PPP2R2B: variants seen among roughly 807,000 people sequenced by gnomAD.
The protein encoded by PPP2R2B is serine/threonine-protein phosphatase 2A 55 kDa regulatory subunit B beta isoform.
PPP2R2B carries 5 observed loss-of-function variants against 46.0 expected under a neutral mutation model. That is an observed-to-expected ratio of 0.11 (90% CI 0.06 to 0.23). The LOEUF is 0.23. Among genes scored for constraint, PPP2R2B ranks in the 10% least tolerant of loss-of-function variants. The pLI is 1.00. For missense variants in PPP2R2B, 367 were observed against 575.0 expected, an observed-to-expected ratio of 0.64 and a Z score of 3.70; for synonymous variants, 215 against 206.7, an observed-to-expected ratio of 1.04 and a Z score of -0.34.
At position 146,878,214 on chromosome 5, in the gene PPP2R2B, G is replaced by A. The variant is rs1356205506; in HGVS notation, c.-124-19C>T. 6.5e-7 allele frequency: 1 copy of A among 1,546,512 alleles called. No homozygotes were observed. Among genetic ancestry groups the A allele is most frequent in the East Asian group, 2.4e-5 (1 of 41,370 alleles). On this transcript the variant is annotated intron_variant, in intron 1 of 9. Coordinates refer to ENST00000394411, the MANE Select transcript of PPP2R2B (RefSeq NM_181675.4). The surrounding 1 kb of genome is among the most constrained non-coding windows in gnomAD (Gnocchi z 4.5). Reference sequence around the variant, plus strand: ...TCCGAGCCTGAGGAGGAGACGGGGAGGCGGAGAGAAAAAAAATAAAAACCC... The same window carrying A: ...TCCGAGCCTGAGGAGGAGACGGGGAAGCGGAGAGAAAAAAAATAAAAACCC...
chr5:146,907,062 G>T (rs1408381643), intron 1 of PPP2R2B, among the ~76,000 whole-genome samples: 1 of 152,200 alleles, frequency 6.6e-6, no homozygotes, highest in East Asian at 1.9e-4. Flanking sequence ...TGATTGTGGT[G>T]AGGACAGAAG....
At chr5:146,731,392 T>C (rs1752220930) in intron 2 of PPP2R2B, among the ~76,000 whole-genome samples, 2 of 152,206 alleles carry the variant, frequency 1.3e-5, no homozygotes, top group Non-Finnish European at 2.9e-5. Context: ...CTGTTTATAG[T>C]GCTAATGGAA....
intron 1 of PPP2R2B, among the ~76,000 whole-genome samples, chr5:146,943,675 T>C (rs576860674): frequency 9.4e-5 from 13 of 138,222 alleles, no homozygotes; most frequent in African/African-American, 2.7e-4. Flanking sequence ...GAGGCACTCA[T>C]TTTTTTTTTT....
intron 1 of PPP2R2B, among the ~76,000 whole-genome samples, chr5:146,890,131 A>G (rs934407396): frequency 2.0e-5 from 3 of 152,178 alleles, no homozygotes; most frequent in African/African-American, 7.2e-5. Context: ...AGTTGGCTTA[A>G]CTCTCCAGTA....
chr5:146,774,720 G>C (rs1005245047), intron 2 of PPP2R2B, among the ~76,000 whole-genome samples: 28 of 151,856 alleles, frequency 1.8e-4, no homozygotes, highest in African/African-American at 6.8e-4. Context: ...GGGAGGCTGA[G>C]GCAGGATAAT....
At chr5:146,978,615 A>G (rs1449501229) in intron 1 of PPP2R2B, among the ~76,000 whole-genome samples, 1 of 152,192 alleles carries the variant, frequency 6.6e-6, no homozygotes, top group Non-Finnish European at 1.5e-5. Flanking sequence ...AACATCATTT[A>G]TTAAATAGGG....
chr5:146,583,240 T>G lies in PPP2R2B; in HGVS notation c.*6707A>C, dbSNP rs1454262005. On this transcript the variant is annotated 3_prime_UTR_variant, in exon 10 of 10. Transcript: ENST00000394411. ...TGGTCTGGATGAGTTAGTGCTCCTTTGTGTCCTCCTGGCACCCAGACACAT... is the reference window on the plus strand; with the variant it reads ...TGGTCTGGATGAGTTAGTGCTCCTTGGTGTCCTCCTGGCACCCAGACACAT... 1.3e-5 allele frequency: 2 copies of G among 152,180 alleles called. No homozygotes were observed. The highest frequency in any genetic ancestry group is 2.9e-5 in the Non-Finnish European group (2 of 68,044). The allele number at this position is 152,180 out of a possible 1,614,324, so 9.4% of individuals were successfully genotyped here.
intron 4 of PPP2R2B, among the ~76,000 whole-genome samples, chr5:146,691,763 T>A (rs996727771): frequency 6.6e-6 from 1 of 152,162 alleles, no homozygotes; most frequent in Admixed American, 6.5e-5. Context: ...GCTCACTCAC[T>A]GTGCTCCAGA....
At chr5:146,798,908 T>C (rs1185600125) in intron 2 of PPP2R2B, among the ~76,000 whole-genome samples, 1 of 152,174 alleles carries the variant, frequency 6.6e-6, no homozygotes, top group East Asian at 1.9e-4. Context: ...TCTGTCTTCT[T>C]TTTCCTTGTG....
chr5:146,909,870 C>T (rs574395177), intron 1 of PPP2R2B, among the ~76,000 whole-genome samples: 2 of 152,252 alleles, frequency 1.3e-5, no homozygotes, highest in Non-Finnish European at 2.9e-5. Flanking sequence ...TCTACCATCC[C>T]ACAAAAAAGC....
chr5:146,716,921 A>C (rs1780529528), intron 2 of PPP2R2B, among the ~76,000 whole-genome samples: 1 of 152,220 alleles, frequency 6.6e-6, no homozygotes, highest in Non-Finnish European at 1.5e-5. Context: ...AAGTTCCCTG[A>C]AAACAGAATA....
At chr5:146,834,067 T>C (rs760243366) in intron 2 of PPP2R2B, among the ~76,000 whole-genome samples, 2 of 152,202 alleles carry the variant, frequency 1.3e-5, no homozygotes, top group Non-Finnish European at 2.9e-5. Flanking sequence ...GTCTAATGAT[T>C]CTTTGGAAAA....
chr5:146,728,790 C>T (rs1451533240), intron 2 of PPP2R2B, among the ~76,000 whole-genome samples: 1 of 152,154 alleles, frequency 6.6e-6, no homozygotes, highest in Non-Finnish European at 1.5e-5. Flanking sequence ...TTGCCGCTAC[C>T]AAGTAAGAAG....
At chr5:146,764,073 C>T (rs909701426) in intron 2 of PPP2R2B, among the ~76,000 whole-genome samples, 9 of 151,900 alleles carry the variant, frequency 5.9e-5, no homozygotes, top group African/African-American at 1.5e-4. Context: ...AAAAGAGAAA[C>T]GTACAGGTGG....
chr5:146,986,456 C>T lies in PPP2R2B; in HGVS notation c.79+69209G>A, dbSNP rs144738574. Among the ~76,000 whole-genome samples the T allele has an allele frequency of 1.0e-3, 159 of 152,060 alleles. 1 individual carries two copies. The highest frequency in any genetic ancestry group is 3.4e-3 in the Middle Eastern group (1 of 294). ...TCCTCAGGTCCTGAATAAATTGCAG[C>T]GGAAGGCAAATTGGAAATTCAAAAT... On this transcript the variant is annotated intron_variant, in intron 1 of 8. Transcript: ENST00000336640.
chr5:147,011,479 T>G (rs1235223204), intron 1 of PPP2R2B, among the ~76,000 whole-genome samples: 1 of 152,210 alleles, frequency 6.6e-6, no homozygotes, highest in Non-Finnish European at 1.5e-5. Context: ...GAAAGTATTA[T>G]GTAAAATTAC....
chr5:146,686,680 TG>T (rs1778521176), intron 5 of PPP2R2B, among the ~76,000 whole-genome samples: 3 of 152,296 alleles, frequency 2.0e-5, no homozygotes, highest in Admixed American at 2.0e-4. Context: ...AGCTCATATT[TG>T]TAACAGGTAA....
intron 2 of PPP2R2B, among the ~76,000 whole-genome samples, chr5:146,855,089 T>C (rs1490020884): frequency 1.3e-5 from 2 of 152,000 alleles, no homozygotes; most frequent in Non-Finnish European, 2.9e-5. Context: ...AGTAACATCA[T>C]CAAGGGCAAA....
chr5:146,877,753 A>G (rs1259479705), intron 2 of PPP2R2B, among the ~76,000 whole-genome samples: 1 of 152,052 alleles, frequency 6.6e-6, no homozygotes, highest in African/African-American at 2.4e-5. Flanking sequence ...CACCCTGAAA[A>G]AGCCTAATCC....
Sources: allele counts gnomAD v4.1 joint callset (sites outside exome capture counted in the v4.1 genomes callset), GRCh38; gene constraint gnomAD v4.1.1; non-coding constraint Gnocchi (gnomAD v3.1); transcripts MANE v1.5; gene names NCBI Gene and HGNC (gene_info 2026-07-23, HGNC 2026-07-21).